Variants in RAPGEF5 observed in about 807,000 individuals in gnomAD.
The protein encoded by RAPGEF5 is Rap guanine nucleotide exchange factor 5.
In RAPGEF5, 65 loss-of-function variants were observed where a neutral mutation model predicts 125.2. That is an observed-to-expected ratio of 0.52 (90% CI 0.43 to 0.64). The LOEUF (loss-of-function observed/expected upper bound fraction) is 0.64, where lower values mean the gene tolerates loss of function less well. Ranked by LOEUF, RAPGEF5 falls within the 30% of genes least tolerant of loss-of-function variation. The pLI, the probability that RAPGEF5 is intolerant of heterozygous loss-of-function variation, is 0.00. For missense variants in RAPGEF5, 958 were observed against 1,048.1 expected, an observed-to-expected ratio of 0.91 and a Z score of 1.19; for synonymous variants, 391 against 385.9, an observed-to-expected ratio of 1.01 and a Z score of -0.16.
intron 6 of RAPGEF5, among the ~76,000 whole-genome samples, chr7:22,282,055 T>C (rs1782683824): frequency 6.6e-6 from 1 of 152,252 alleles, no homozygotes; most frequent in Non-Finnish European, 1.5e-5. Context: ...TTGCTATTAA[T>C]ATTTTCTATT....
At chr7:22,190,895 T>G (rs1784973593) in intron 11 of RAPGEF5, among the ~76,000 whole-genome samples, 1 of 152,220 alleles carries the variant, frequency 6.6e-6, no homozygotes, top group Non-Finnish European at 1.5e-5. Flanking sequence ...TTAGGCCATG[T>G]GGAGGGCCAC....
At position 22,193,773 on chromosome 7, in the gene RAPGEF5, G is replaced by C; in HGVS notation, c.1115+142C>G. The C allele has an allele frequency of 1.3e-6, 2 of 1,585,848 alleles. 1 individual carries two copies. Among genetic ancestry groups the C allele is most frequent in the Non-Finnish European group, 1.7e-6 (2 of 1,166,128 alleles). Reference sequence around the variant, plus strand: ...CTGCTAAGAGCTCTGCAGTCAGCTAGAACGCTGGAGAGGCGGAGAGAAAAG... The same window carrying C: ...CTGCTAAGAGCTCTGCAGTCAGCTACAACGCTGGAGAGGCGGAGAGAAAAG... On this transcript the variant is annotated intron_variant, in intron 10 of 25. Coordinates refer to ENST00000665637, the MANE Select transcript of RAPGEF5 (RefSeq NM_012294.5).
In RAPGEF5 at chr7:22,336,453, A is replaced by G. The variant is rs188347198; in HGVS notation, c.232-18416T>C. ...ACAGGCTATACCCTACTGGGAGAAG[A>G]CTGAACTTAAGCAAAATAAAGAAGT... On this transcript the variant is annotated intron_variant, in intron 1 of 25. Transcript: ENST00000665637. Among the ~76,000 whole-genome samples the G allele has an allele frequency of 3.6e-3, 551 of 152,326 alleles. 5 individuals are homozygous for G. The highest frequency in any genetic ancestry group is 0.013 in the African/African-American group (539 of 41,562).
chr7:22,188,335 T>C (rs141984300), intron 11 of RAPGEF5, among the ~76,000 whole-genome samples: 2 of 152,286 alleles, frequency 1.3e-5, no homozygotes, highest in Admixed American at 6.5e-5. Flanking sequence ...TATTCTTAAT[T>C]TTCCTCCATG....
intron 9 of RAPGEF5, among the ~76,000 whole-genome samples, chr7:22,201,282 G>A (rs1785270937): frequency 6.6e-6 from 1 of 152,198 alleles, no homozygotes; most frequent in African/African-American, 2.4e-5. Flanking sequence ...CTGATCTCTT[G>A]CCGATGCTTC....
chr7:22,249,238 C>G (rs188567506), intron 7 of RAPGEF5, among the ~76,000 whole-genome samples: 1 of 152,286 alleles, frequency 6.6e-6, no homozygotes, highest in African/African-American at 2.4e-5. Flanking sequence ...GCCACCCAGG[C>G]TGAAGTGCAG....
chr7:22,146,013 T>A (rs1181202740), intron 19 of RAPGEF5, among the ~76,000 whole-genome samples: 1 of 151,926 alleles, frequency 6.6e-6, no homozygotes, highest in Non-Finnish European at 1.5e-5. Context: ...ATAGAGGTAA[T>A]CTACATTCTT....
chr7:22,277,920 G>T (rs1056180694), intron 6 of RAPGEF5, among the ~76,000 whole-genome samples: 3 of 152,124 alleles, frequency 2.0e-5, no homozygotes, highest in African/African-American at 4.8e-5. Context: ...AGCACCTTTT[G>T]CCCTGTAATG....
chr7:22,281,209 T>C (rs1176455967), intron 6 of RAPGEF5, among the ~76,000 whole-genome samples: 1 of 152,134 alleles, frequency 6.6e-6, no homozygotes, highest in Non-Finnish European at 1.5e-5. Flanking sequence ...TTGGAGAAGA[T>C]GATTTCTTTC....
At chr7:22,161,529 C>A (rs750017667) in intron 13 of RAPGEF5, among the ~76,000 whole-genome samples, 73 of 128,964 alleles carry the variant, frequency 5.7e-4, no homozygotes, top group South Asian at 3.3e-3. Flanking sequence ...AGAGCAAGAC[C>A]CTGTCTCAAC....
At chr7:22,174,472 A>G (rs992770350) in intron 11 of RAPGEF5, among the ~76,000 whole-genome samples, 1 of 152,182 alleles carries the variant, frequency 6.6e-6, no homozygotes, top group Admixed American at 6.5e-5. Context: ...CAACTTGCCT[A>G]CTTTATGCAG....
chr7:22,335,170 A>C (rs1254891477), intron 1 of RAPGEF5, among the ~76,000 whole-genome samples: 1 of 152,180 alleles, frequency 6.6e-6, no homozygotes, highest in African/African-American at 2.4e-5. Context: ...CTTACCTTAC[A>C]ATCAAGAGCA....
At chr7:22,303,584 C>A (rs1783262532) in intron 5 of RAPGEF5, among the ~76,000 whole-genome samples, 1 of 152,122 alleles carries the variant, frequency 6.6e-6, no homozygotes, top group Non-Finnish European at 1.5e-5. Flanking sequence ...ATTAGAGGGG[C>A]CTAATGTAGA....
At chr7:22,308,536 A>G in intron 4 of RAPGEF5, 29 bp from the exon 5 acceptor site, 2 of 1,432,870 alleles carry the variant, frequency 1.4e-6, no homozygotes, top group East Asian at 2.5e-5. Context: ...ATATAGATCA[A>G]TTTTTTAAAA....
intron 7 of RAPGEF5, among the ~76,000 whole-genome samples, chr7:22,260,516 C>A (rs1187382556): frequency 2.2e-5 from 3 of 135,150 alleles, no homozygotes; most frequent in African/African-American, 2.9e-5. Context: ...TCACACAATG[C>A]AGAAATTAGG....
chr7:22,260,244 A>G (rs1782117248), intron 7 of RAPGEF5, among the ~76,000 whole-genome samples: 1 of 152,198 alleles, frequency 6.6e-6, no homozygotes, highest in African/African-American at 2.4e-5. Flanking sequence ...CATAGAATGT[A>G]CAACATCAAG....
chr7:22,134,388 G>A (rs1182386977), intron 23 of RAPGEF5, among the ~76,000 whole-genome samples: 4 of 152,168 alleles, frequency 2.6e-5, no homozygotes, highest in African/African-American at 9.7e-5. Context: ...CTTTTGAAAT[G>A]AGTAAATGTG....
intron 5 of RAPGEF5, among the ~76,000 whole-genome samples, chr7:22,297,006 AC>A (rs991618316): frequency 1.1e-4 from 17 of 152,324 alleles, no homozygotes; most frequent in African/African-American, 3.8e-4. Context: ...GTGGAGTGGT[AC>A]TGTTGAAAGC....
chr7:22,258,848 C>A (rs1246169681), intron 7 of RAPGEF5, among the ~76,000 whole-genome samples: 1 of 151,946 alleles, frequency 6.6e-6, no homozygotes, highest in African/African-American at 2.4e-5. Context: ...AGACATTACA[C>A]CCTTGAAAAT....
Sources: allele counts gnomAD v4.1 joint callset (sites outside exome capture counted in the v4.1 genomes callset), GRCh38; gene constraint gnomAD v4.1.1; transcripts MANE v1.5; gene names NCBI Gene and HGNC (gene_info 2026-07-23, HGNC 2026-07-21).